The following METTL2A variants were observed in gnomAD, a reference collection of about 807,000 sequenced individuals.
METTL2A encodes the protein tRNA N(3)-cytidine methyltransferase METTL2A.
In METTL2A, 45 loss-of-function variants were observed where a neutral mutation model predicts 49.4. The observed-to-expected ratio is 0.91, with a 90% CI of 0.72 to 1.17. METTL2A has a LOEUF of 1.17. Among genes scored for constraint, METTL2A ranks in the 50% most tolerant of loss-of-function variants. The probability of loss-of-function intolerance (pLI) is 0.00; values close to 1 mark genes in which losing one functional copy is unlikely to be tolerated. For missense variants in METTL2A, 361 were observed against 462.2 expected, an observed-to-expected ratio of 0.78 and a Z score of 2.01; for synonymous variants, 118 against 167.5, an observed-to-expected ratio of 0.70 and a Z score of 2.28.
chr17:62,424,660 G>A (rs1348744647), intron 2 of METTL2A, among the ~76,000 whole-genome samples: 1 of 152,116 alleles, frequency 6.6e-6, no homozygotes, highest in Non-Finnish European at 1.5e-5. Flanking sequence ...CATTTTCCAT[G>A]AGGAGATGTT....
At chr17:62,448,075 C>G (rs2144160142) in intron 8 of METTL2A, among the ~76,000 whole-genome samples, 1 of 152,302 alleles carries the variant, frequency 6.6e-6, no homozygotes, top group East Asian at 1.9e-4. Flanking sequence ...CTGTTTCACC[C>G]TCTACACGGG....
At chr17:62,436,668 C>G (rs2070702355) in intron 5 of METTL2A, among the ~76,000 whole-genome samples, 1 of 152,150 alleles carries the variant, frequency 6.6e-6, no homozygotes. Context: ...ATATTGATGG[C>G]TGCTGACTGA....
intron 5 of METTL2A, among the ~76,000 whole-genome samples, chr17:62,440,336 A>G (rs1482630757): frequency 6.6e-6 from 1 of 152,102 alleles, no homozygotes; most frequent in Non-Finnish European, 1.5e-5. Flanking sequence ...ATTACTTTCA[A>G]TAGCAAAAAC....
rs566315632 is a variant in METTL2A, at chr17:62,428,345, C to T, written c.608+508C>T. 5.9e-5 allele frequency among the ~76,000 whole-genome samples: 9 copies of T among 152,322 alleles called. No homozygotes were observed. In the South Asian group the frequency reaches 1.7e-3, roughly 28 times the overall value. On this transcript the variant is annotated intron_variant, in intron 4 of 8. Coordinates refer to ENST00000311506, the MANE Select transcript of METTL2A (RefSeq NM_181725.4). Reference sequence around the variant, plus strand: ...ACTGGTTTTGTGTACTTAAACAGAACGCTTCTGACACCAAATGTGCGGGGT... The same window carrying T: ...ACTGGTTTTGTGTACTTAAACAGAATGCTTCTGACACCAAATGTGCGGGGT...
In METTL2A at chr17:62,423,922, A is replaced by G. The variant is rs1299686386; in HGVS notation, c.20A>G (p.Glu7Gly). Residue 7 changes from glutamate (E) to glycine (G), a missense_variant, in exon 1 of 9, where the codon GAA becomes GGA. Glu to Gly is a moderately conservative substitution (Grantham distance 98, BLOSUM62 -2). Around this residue, in one of 3 missense-constraint regions of METTL2A, gnomAD observed 150 missense variants for 170.1 expected, o/e 0.88. Coordinates refer to ENST00000311506, the MANE Select transcript of METTL2A (RefSeq NM_181725.4). ...GGTGTCATGGCCGGCTCCTACCCTG[A>G]AGGTGCACCTGCAGTCCTCGCCGAT... MAGSYP[E>G]GAPAVLADKR... 2 of 1,613,178 alleles carry G rather than the reference A, an allele frequency of 1.2e-6. No individual in the cohort carries two copies. Among genetic ancestry groups the G allele is most frequent in the Middle Eastern group, 1.6e-4 (1 of 6,062 alleles).
chr17:62,424,190 C>A, intron 1 of METTL2A, 29 bp from the exon 2 acceptor site: 1 of 1,614,104 alleles, frequency 6.2e-7, no homozygotes, highest in Non-Finnish European at 8.5e-7. Flanking sequence ...GGACGTGAGG[C>A]CCCTAAGCTG....
In METTL2A at chr17:62,423,952, G is replaced by C. The variant is rs1180508904; in HGVS notation, c.50G>C (p.Arg17Thr). Residue 17 changes from arginine (R) to threonine (T), a missense_variant, in exon 1 of 9, where the codon AGG becomes ACG. By Grantham distance (71) the Arg-to-Thr change is moderately conservative. Transcript: ENST00000311506. ...EGAPAVLADK[R>T]QQFGSRFLRD... ...GCACCTGCAGTCCTCGCCGATAAGAGGCAGCAGTTCGGAAGCCGGTTCCTG... is the reference window on the plus strand; with the variant it reads ...GCACCTGCAGTCCTCGCCGATAAGACGCAGCAGTTCGGAAGCCGGTTCCTG... 6.2e-7 allele frequency: 1 copy of C among 1,613,940 alleles called. No individual in the cohort carries two copies. The highest frequency in any genetic ancestry group is 1.1e-5 in the South Asian group (1 of 91,012).
At position 62,448,752 on chromosome 17, in the gene METTL2A, T is replaced by C; in HGVS notation, c.*23T>C. 1.2e-6 allele frequency: 2 copies of C among 1,612,030 alleles called. No individual in the cohort carries two copies. The highest frequency in any genetic ancestry group is 2.2e-5 in the East Asian group (1 of 44,852). Reference sequence around the variant, plus strand: ...TGAGAGGCACCTGCTGCCAACACGATGCAAGCCCATTGTGTTTCCGGGCTT... The same window carrying C: ...TGAGAGGCACCTGCTGCCAACACGACGCAAGCCCATTGTGTTTCCGGGCTT... On this transcript the variant is annotated 3_prime_UTR_variant, in exon 9 of 9. Transcript: ENST00000311506.
chr17:62,448,905 A>G lies in METTL2A; in HGVS notation c.*176A>G. 1.3e-6 allele frequency: 1 copy of G among 776,628 alleles called. No individual in the cohort carries two copies. The highest frequency in any genetic ancestry group is 1.9e-6 in the Non-Finnish European group (1 of 534,030). 48.1% of individuals were successfully genotyped at this position (776,628 alleles called of 1,614,324 possible). A position where few individuals can be genotyped will look rare whatever the true frequency, so the allele number is the denominator to read the frequency against. On this transcript the variant is annotated 3_prime_UTR_variant, in exon 9 of 9. Coordinates refer to ENST00000311506, the MANE Select transcript of METTL2A (RefSeq NM_181725.4). Reference sequence around the variant, plus strand: ...TGGGCAAAATAGTGAGAGACCCTGTATCTGAAAGTAATAATAAAAATAAAA... The same window carrying G: ...TGGGCAAAATAGTGAGAGACCCTGTGTCTGAAAGTAATAATAAAAATAAAA...
chr17:62,432,179 T>C (rs112533230), intron 4 of METTL2A, among the ~76,000 whole-genome samples: 5,125 of 152,250 alleles, frequency 0.034, 300 homozygotes, highest in African/African-American at 0.11. Flanking sequence ...ACCACTACTC[T>C]ACAAATGCAC....
chr17:62,430,941 C>T (rs1351802516), intron 4 of METTL2A, among the ~76,000 whole-genome samples: 2 of 152,226 alleles, frequency 1.3e-5, no homozygotes, highest in African/African-American at 4.8e-5. Context: ...TCTTGGCTCA[C>T]CGCAACCTCC....
chr17:62,443,529 A>G (rs896521252), intron 6 of METTL2A, among the ~76,000 whole-genome samples: 1 of 152,218 alleles, frequency 6.6e-6, no homozygotes, highest in Non-Finnish European at 1.5e-5. Flanking sequence ...CAGGAGGATC[A>G]CTTGAGCCCA....
At chr17:62,424,363 C>A in intron 2 of METTL2A, 53 bp downstream of exon 2, 1 of 1,608,856 alleles carries the variant, frequency 6.2e-7, no homozygotes, top group Non-Finnish European at 8.5e-7. Context: ...CTGCCGAACG[C>A]GCCCTCCCGG....
In METTL2A at chr17:62,449,605, G is replaced by T; in HGVS notation, c.*876G>T. The T allele has an allele frequency of 3.4e-6, 1 of 293,024 alleles. No homozygotes were observed. Among genetic ancestry groups the T allele is most frequent in the Non-Finnish European group, 6.7e-6 (1 of 150,356 alleles). 18.2% of individuals were successfully genotyped at this position (293,024 alleles called of 1,614,324 possible). ...GGGTGCCTGTAATCCAGCTACTTGG[G>T]AGACTGAGGCAGGAGAATTGCTTGA... On this transcript the variant is annotated 3_prime_UTR_variant, in exon 9 of 9. Transcript: ENST00000311506.
intron 5 of METTL2A, among the ~76,000 whole-genome samples, chr17:62,440,316 C>T (rs1476999058): frequency 1.3e-5 from 2 of 152,020 alleles, no homozygotes; most frequent in Non-Finnish European, 2.9e-5. Flanking sequence ...TGAGTCTCCA[C>T]ATCCTTGCCA....
rs1353733426 is a variant in METTL2A, at chr17:62,426,474, T to C, written c.378T>C (p.Cys126=). ...FLENKSEVPE[C]RNNEDGPGLI... is the part of the protein sequence containing the mutation. The stretch of plus-strand genomic sequence containing the variant: ...AGAACAAGAGTGAAGTACCTGAATG[T>C]AGAAACAATGAGGATGGACCTGGTT... Residue 126 remains cysteine, a synonymous_variant, in exon 3 of 9, where the codon TGT becomes TGC. Coordinates refer to ENST00000311506, the MANE Select transcript of METTL2A (RefSeq NM_181725.4). 2.5e-6 allele frequency: 4 copies of C among 1,614,008 alleles called. No individual in the cohort carries two copies. The highest frequency in any genetic ancestry group is 1.7e-5 in the Admixed American group (1 of 60,000).
At chr17:62,427,356 G>A (rs2070635132) in intron 3 of METTL2A, among the ~76,000 whole-genome samples, 1 of 152,150 alleles carries the variant, frequency 6.6e-6, no homozygotes, top group African/African-American at 2.4e-5. Flanking sequence ...ACATAGTTAA[G>A]CCCTTAATAA....
chr17:62,433,717 G>A (rs2070681343), intron 4 of METTL2A, among the ~76,000 whole-genome samples: 1 of 150,900 alleles, frequency 6.6e-6, no homozygotes, highest in Non-Finnish European at 1.5e-5. Context: ...TCCAGCCTGG[G>A]TGACACAGCT....
In METTL2A at chr17:62,450,136, C is replaced by G. The variant is rs1380608066; in HGVS notation, c.*1407C>G. Reference sequence around the variant, plus strand: ...GAATTTTCACTTTTTGCAAAATTATCTTTTTTAATGCACCCTTAAGTGTTT... The same window carrying G: ...GAATTTTCACTTTTTGCAAAATTATGTTTTTTAATGCACCCTTAAGTGTTT... On this transcript the variant is annotated 3_prime_UTR_variant, in exon 9 of 9. Coordinates refer to ENST00000311506, the MANE Select transcript of METTL2A (RefSeq NM_181725.4). 6.7e-6 allele frequency: 1 copy of G among 149,812 alleles called. No individual in the cohort carries two copies. The highest frequency in any genetic ancestry group is 1.5e-5 in the Non-Finnish European group (1 of 67,760). 9.3% of individuals were successfully genotyped at this position (149,812 alleles called of 1,614,324 possible).
Sources: gnomAD v4.1 joint callset for allele counts (sites outside exome capture counted in the v4.1 genomes callset) on GRCh38, gnomAD v4.1.1 for gene constraint, gnomAD v4.1.1 regional missense constraint, MANE v1.5 for transcripts, NCBI Gene and HGNC (gene_info 2026-07-23, HGNC 2026-07-21) for gene names.